Variants in BORCS8 observed in about 807,000 individuals in gnomAD.
BORCS8 encodes the protein BLOC-1 related complex subunit 8.
A neutral mutation model predicts 18.7 loss-of-function variants in BORCS8; 13 were observed. That is an observed-to-expected ratio of 0.70 (90% CI 0.45 to 1.11). The LOEUF is 1.11. BORCS8 is among the 50% of genes least tolerant of loss of function. The probability of loss-of-function intolerance (pLI) is 0.00; values close to 1 mark genes in which losing one functional copy is unlikely to be tolerated. For synonymous variants in BORCS8, 68 were observed against 64.8 expected (o/e 1.05, Z -0.24); for missense variants, 165 against 165.7 (o/e 1.00, Z 0.02).
At chr19:19,189,312 C>T (rs1164652717) in intron 1 of BORCS8, among the ~76,000 whole-genome samples, 2 of 152,184 alleles carry the variant, frequency 1.3e-5, no homozygotes, top group Non-Finnish European at 2.9e-5. Context: ...GAGGCACGGC[C>T]ATCTCCTGCC....
chr19:19,191,028 T>C (rs1231258078), intron 1 of BORCS8, among the ~76,000 whole-genome samples: 2 of 152,152 alleles, frequency 1.3e-5, no homozygotes, highest in Non-Finnish European at 2.9e-5. Context: ...TATTATGTAT[T>C]CTAGATGTGA....
chr19:19,191,907 A>G (rs2060486348), intron 1 of BORCS8, among the ~76,000 whole-genome samples, 174 bp downstream of exon 1: 1 of 152,200 alleles, frequency 6.6e-6, no homozygotes, highest in Non-Finnish European at 1.5e-5. Context: ...GGGACCGGTA[A>G]TTAAAGCAGA....
intron 5 of BORCS8, chr19:19,177,686 AAGG>A (rs1490221741): frequency 7.8e-5 from 4 of 51,364 alleles, no homozygotes; most frequent in African/African-American, 2.0e-4. Context: ...GGAAGGAAGG[AAGG>A]AAGGAAGAGA....
intron 5 of BORCS8, chr19:19,180,291 ATAGGTGGGTAAT>A (rs1175315763): frequency 4.4e-6 from 1 of 226,614 alleles, no homozygotes; most frequent in East Asian, 1.4e-4. Flanking sequence ...GGTCCCAGAG[ATAGGTGGGTAAT>A]TGCCCATGCC....
Position 19,192,131 on chromosome 19 carries a change from G to A in BORCS8, c.-14C>T, listed in dbSNP as rs1016395376. On this transcript the variant is annotated 5_prime_UTR_variant, in exon 1 of 6. Coordinates refer to ENST00000462790, the MANE Select transcript of BORCS8 (RefSeq NM_001145784.2). ...CGGCTCCTCCATAGCGACCGCGGCC[G>A]AGCGAACCGGGAAACGGCACCGGAA... 4 of 1,551,138 alleles carry A rather than the reference G, an allele frequency of 2.6e-6. No homozygotes were observed. The highest frequency in any genetic ancestry group is 1.4e-5 in the African/African-American group (1 of 73,160).
chr19:19,183,409 C>CA (rs748324832), intron 3 of BORCS8, among the ~76,000 whole-genome samples: 8,537 of 115,816 alleles, frequency 0.074, 516 homozygotes, highest in East Asian at 0.33. Context: ...GACTCCGTCT[C>CA]AAAAAAAAAA....
chr19:19,181,906 G>C lies in BORCS8; in HGVS notation c.326+667C>G, dbSNP rs1261556745. 4.1e-6 allele frequency: 4 copies of C among 985,264 alleles called. No individual in the cohort carries two copies. The Admixed American group carries it at 2.5e-4, about 61-fold the overall frequency. The allele number at this position is 985,264 out of a possible 1,614,324, so 61.0% of individuals were successfully genotyped here. ...GTTCATAAGCGTGTTTATTAACTTAGAATGCCAACAAAAACAAAAAGAAGG... is the reference window on the plus strand; with the variant it reads ...GTTCATAAGCGTGTTTATTAACTTACAATGCCAACAAAAACAAAAAGAAGG... On this transcript the variant is annotated intron_variant, in intron 4 of 5. Transcript: ENST00000462790.
At chr19:19,179,585 A>G (rs936183671) in intron 5 of BORCS8, 1 of 152,680 alleles carries the variant, frequency 6.5e-6, no homozygotes, top group East Asian at 1.9e-4. Flanking sequence ...CTTCCATGGC[A>G]CATGGCACCG....
At chr19:19,192,041 G>C (rs1435834296) in intron 1 of BORCS8, 40 bp downstream of exon 1, 1 of 1,550,018 alleles carries the variant, frequency 6.5e-7, no homozygotes, top group Non-Finnish European at 8.7e-7. Flanking sequence ...CCCTCCACAA[G>C]TTACCGGCCC....
chr19:19,181,070 CT>C (rs1213532766), intron 4 of BORCS8, among the ~76,000 whole-genome samples: 1 of 152,102 alleles, frequency 6.6e-6, no homozygotes, highest in African/African-American at 2.4e-5. Context: ...TGGCAGGCGC[CT>C]GTAATCCCAG....
chr19:19,186,549 C>A (rs2060411153), intron 2 of BORCS8, among the ~76,000 whole-genome samples: 1 of 152,148 alleles, frequency 6.6e-6, no homozygotes, highest in Non-Finnish European at 1.5e-5. Context: ...TAATAAGGGG[C>A]CTCCCCCTTC....
At chr19:19,187,848 A>C (rs2060425782) in intron 1 of BORCS8, among the ~76,000 whole-genome samples, 1 of 135,914 alleles carries the variant, frequency 7.4e-6, no homozygotes, top group Non-Finnish European at 1.6e-5. Flanking sequence ...GCTTGATTGA[A>C]CTTTTTTTTT....
Position 19,187,005 on chromosome 19 carries a change from A to G in BORCS8, c.38T>C (p.Val13Ala). The change falls in exon 2 of 6, where the codon GTC (valine) becomes GCC (alanine). Residue 13 changes from valine to alanine, a missense_variant and splice_region_variant. By Grantham distance (64) the Val-to-Ala change is moderately conservative. Coordinates refer to ENST00000462790, the MANE Select transcript of BORCS8 (RefSeq NM_001145784.2). ...EPEMQLKGKK[V>A]TDKFTESVYV... ...GACGCTCTCAGTGAACTTGTCCGTGACTAGATACAGGTGGTAGGGATGGGG... is the reference window on the plus strand; with the variant it reads ...GACGCTCTCAGTGAACTTGTCCGTGGCTAGATACAGGTGGTAGGGATGGGG... 1 of 1,550,158 alleles carries G rather than the reference A, an allele frequency of 6.5e-7. No homozygotes were observed. Among genetic ancestry groups the G allele is most frequent in the Non-Finnish European group, 8.7e-7 (1 of 1,146,050 alleles).
Position 19,183,588 on chromosome 19 carries a change from CT to C in BORCS8, c.216-906del, listed in dbSNP as rs879379985. ...TGGGAGCTGAATATTTTTTTTCTTT[CT>C]TTTTTTTTTTTTGAGACGGAATTTC... On this transcript the variant is annotated intron_variant, in intron 3 of 5. Transcript: ENST00000462790. 3.2e-3 allele frequency among the ~76,000 whole-genome samples: 465 copies of C among 143,502 alleles called. 2 individuals are homozygous for C. The highest frequency in any genetic ancestry group is 0.01 in the South Asian group (47 of 4,508). 94.1% of individuals were successfully genotyped at this position (143,502 alleles called of 152,430 possible).
At chr19:19,187,834 G>A (rs1031084612) in intron 1 of BORCS8, among the ~76,000 whole-genome samples, 1 of 150,184 alleles carries the variant, frequency 6.7e-6, no homozygotes, top group Non-Finnish European at 1.5e-5. Context: ...ACCGCGCCTG[G>A]CCAGCTTGAT....
chr19:19,187,624 C>CGACT (rs1555778494), intron 1 of BORCS8, among the ~76,000 whole-genome samples: 1 of 150,938 alleles, frequency 6.6e-6, no homozygotes, highest in Non-Finnish European at 1.5e-5. Flanking sequence ...CCACAACCTC[C>CGACT]GACTCCCTGG....
chr19:19,182,560 T>G lies in BORCS8; in HGVS notation c.326+13A>C, dbSNP rs1334123261. 2 of 1,548,492 alleles carry G rather than the reference T, an allele frequency of 1.3e-6. No individual in the cohort carries two copies. Among genetic ancestry groups the G allele is most frequent in the African/African-American group, 2.7e-5 (2 of 73,070 alleles). On this transcript the variant is annotated intron_variant, in intron 4 of 5. Transcript: ENST00000462790. This position sits in a 1 kb window ranked among gnomAD's most constrained non-coding sequence, Gnocchi z 4.1. ...TGGGAGTGGCAGTGGGGGCGGGCGG[T>G]CCCAGGAGCTACCTGTGGCCCTGGG... is the stretch of plus-strand genomic sequence containing the variant.
chr19:19,188,891 G>A (rs976081132), intron 1 of BORCS8, among the ~76,000 whole-genome samples: 1 of 151,970 alleles, frequency 6.6e-6, no homozygotes, highest in Non-Finnish European at 1.5e-5. Context: ...CTGGAGTGCA[G>A]TAGTGTAATC....
In BORCS8 at chr19:19,182,892, ATCTAATG is replaced by A. The variant is rs769333897; in HGVS notation, c.216-216_216-210del. ...ACAGCACATTCTCTGCCACTGAAACATCTAATGTTTTGAAGGAGGGATCAGTGTATAA... is the reference window on the plus strand; with the variant it reads ...ACAGCACATTCTCTGCCACTGAAACATTTTGAAGGAGGGATCAGTGTATAA... On this transcript the variant is annotated intron_variant, in intron 3 of 5. Transcript: ENST00000462790. This position sits in a 1 kb window ranked among gnomAD's most constrained non-coding sequence, Gnocchi z 4.1. Among the ~76,000 whole-genome samples the A allele has an allele frequency of 7.8e-4, 119 of 152,320 alleles. No individual in the cohort carries two copies. Among genetic ancestry groups the A allele is most frequent in the East Asian group, 1.2e-3 (6 of 5,184 alleles).
Sources: allele counts gnomAD v4.1 joint callset (sites outside exome capture counted in the v4.1 genomes callset), GRCh38; gene constraint gnomAD v4.1.1; non-coding constraint Gnocchi (gnomAD v3.1); transcripts MANE v1.5; gene names NCBI Gene and HGNC (gene_info 2026-07-23, HGNC 2026-07-21).